Variants in PCDHA6 observed in about 807,000 individuals in gnomAD.
PCDHA6 encodes the protein protocadherin alpha-6.
Under a neutral mutation model 60.3 loss-of-function variants are expected in PCDHA6, and 55 were observed. The observed-to-expected ratio is 0.91, with a 90% confidence interval of 0.73 to 1.14. The LOEUF (loss-of-function observed/expected upper bound fraction) is 1.14. PCDHA6 is among the 50% of genes most tolerant of loss of function. The pLI is 0.00. For synonymous variants in PCDHA6, 652 were observed against 557.9 expected (o/e 1.17, Z -2.38); for missense variants, 1,327 against 1,256.5 (o/e 1.06, Z -0.85).
In PCDHA6 at chr5:141,009,994, C is replaced by T; in HGVS notation, c.*57C>T. 1.3e-6 allele frequency: 2 copies of T among 1,577,076 alleles called. No individual in the cohort carries two copies. Among genetic ancestry groups the T allele is most frequent in the South Asian group, 1.2e-5 (1 of 83,074 alleles). On this transcript the variant is annotated 3_prime_UTR_variant, in exon 4 of 4. Transcript: ENST00000529310. Reference sequence around the variant, plus strand: ...GTTTTTGTAATAATGGCAAATCTCTCCCATGTAGCAATTCCCTGCTCCTTT... The same window carrying T: ...GTTTTTGTAATAATGGCAAATCTCTTCCATGTAGCAATTCCCTGCTCCTTT...
rs1770846453 is a variant in PCDHA6 at position 140,830,141 on chromosome 5, G to A, written c.2050G>A (p.Val684Met). The A allele has an allele frequency of 6.2e-7, 1 of 1,613,282 alleles. No homozygotes were observed. The highest frequency in any genetic ancestry group is 1.3e-5 in the African/African-American group (1 of 74,938). The change falls in exon 1 of 4, where the codon GTG (valine) becomes ATG (methionine). Residue 684 changes from valine (V) to methionine (M), a missense_variant. Coordinates refer to ENST00000529310, the MANE Select transcript of PCDHA6 (RefSeq NM_018909.4). ...QAPKASSRASVGAAGPEAALV... is the reference protein window; with the variant it reads ...QAPKASSRASMGAAGPEAALV... ...TCCAAAGGCGTCATCACGGGCGTCG[G>A]TGGGCGCCGCGGGCCCAGAGGCGGC...
Position 140,829,036 on chromosome 5 carries a change from A to G in PCDHA6, c.945A>G (p.Leu315=), listed in dbSNP as rs1770084971. The change falls in exon 1 of 4, where the codon TTA becomes TTG. Residue 315 remains leucine, a synonymous_variant. Transcript: ENST00000529310. ...ATTTGGATTTTGAACAAGAAAACTT[A>G]TACAAAATCCTCATTGACGCCACGG... ...RGNLDFEQEN[L]YKILIDATDK... is the part of the protein sequence containing the mutation. The G allele has an allele frequency of 2.5e-6, 4 of 1,612,958 alleles. No homozygotes were observed. Among genetic ancestry groups the G allele is most frequent in the Non-Finnish European group, 3.4e-6 (4 of 1,179,030 alleles).
intron 1 of PCDHA6, among the ~76,000 whole-genome samples, chr5:140,918,473 T>A (rs1385942505): frequency 6.6e-6 from 1 of 152,166 alleles, no homozygotes; most frequent in African/African-American, 2.4e-5. Context: ...ATTCCAAGTC[T>A]CAAGGGGAAT....
intron 1 of PCDHA6, among the ~76,000 whole-genome samples, chr5:140,931,320 G>A (rs1350182542): frequency 6.6e-6 from 1 of 151,992 alleles, no homozygotes; most frequent in Non-Finnish European, 1.5e-5. Context: ...TACCAGTAAT[G>A]GCTGTAAAGT....
intron 1 of PCDHA6, among the ~76,000 whole-genome samples, chr5:140,937,632 G>T (rs1228752133): frequency 1.3e-5 from 2 of 150,132 alleles, no homozygotes; most frequent in Admixed American, 1.3e-4. Flanking sequence ...AAAAAGAAAG[G>T]CAGGGCATGG....
chr5:140,929,460 C>A, intron 1 of PCDHA6: 1 of 1,331,154 alleles, frequency 7.5e-7, no homozygotes, highest in Non-Finnish European at 1.0e-6. Context: ...ACTTCCTGTG[C>A]CAAGAAATCT....
intron 1 of PCDHA6, chr5:140,871,015 G>A (rs1554164977): frequency 1.9e-6 from 3 of 1,613,126 alleles, no homozygotes; most frequent in East Asian, 2.2e-5. Flanking sequence ...TGCCCTGGAC[G>A]AGGCAGACTC....
chr5:140,844,775 A>G (rs959672555), intron 1 of PCDHA6, among the ~76,000 whole-genome samples: 1 of 149,266 alleles, frequency 6.7e-6, no homozygotes, highest in Non-Finnish European at 1.5e-5. Flanking sequence ...AAGATACTTT[A>G]TTTTGGTATC....
At chr5:140,852,265 T>C in intron 1 of PCDHA6, 1 of 505,256 alleles carries the variant, frequency 2.0e-6, no homozygotes, top group Non-Finnish European at 2.6e-6. Flanking sequence ...TATGCTACAA[T>C]ATTACATGTT....
At chr5:140,945,304 C>T (rs993719774) in intron 1 of PCDHA6, among the ~76,000 whole-genome samples, 3 of 151,880 alleles carry the variant, frequency 2.0e-5, no homozygotes, top group African/African-American at 7.3e-5. Flanking sequence ...TTGAAGAAGA[C>T]ACAAATAAAT....
At chr5:140,850,256 C>T (rs2150475976) in intron 1 of PCDHA6, 11 of 1,594,032 alleles carry the variant, frequency 6.9e-6, no homozygotes, top group Admixed American at 6.8e-5. Context: ...CGGTGGGCGC[C>T]GGCGTAGTGG....
intron 1 of PCDHA6, chr5:140,969,054 A>G (rs782226153): frequency 6.2e-7 from 1 of 1,614,182 alleles, no homozygotes; most frequent in South Asian, 1.1e-5. Context: ...GCCAACAACA[A>G]TATTGATGCC....
In PCDHA6 at chr5:140,828,611, T is replaced by C; in HGVS notation, c.520T>C (p.Ser174Pro). ...TTCCATCTTAACCTATAAACTCAGT[T>C]CTAGCGAATACTTCGGGCTAGATGT... The part of the protein sequence containing the change: ...SNSILTYKLS[S>P]SEYFGLDVKI... The change falls in exon 1 of 4, where the codon TCT becomes CCT. Residue 174 changes from serine (S) to proline (P), a missense_variant. Coordinates refer to ENST00000529310, the MANE Select transcript of PCDHA6 (RefSeq NM_018909.4). The C allele has an allele frequency of 6.2e-7, 1 of 1,614,202 alleles. No individual in the cohort carries two copies. Among genetic ancestry groups the C allele is most frequent in the Non-Finnish European group, 8.5e-7 (1 of 1,180,042 alleles).
intron 1 of PCDHA6, chr5:140,867,294 T>A (rs987236296): frequency 6.6e-6 from 1 of 152,152 alleles, no homozygotes; most frequent in Admixed American, 6.5e-5. Flanking sequence ...TCAAATATCA[T>A]GTTGAATATA....
chr5:141,001,102 A>T (rs1197761807), intron 3 of PCDHA6, among the ~76,000 whole-genome samples: 1 of 152,076 alleles, frequency 6.6e-6, no homozygotes, highest in African/African-American at 2.4e-5. Context: ...TCTAATCCAT[A>T]ATAAGCAATC....
In PCDHA6 at chr5:140,897,967, T is replaced by G. The variant is rs1277557012; in HGVS notation, c.2394+67482T>G. On this transcript the variant is annotated intron_variant, in intron 1 of 3. Transcript: ENST00000529310. Reference sequence around the variant, plus strand: ...ATGATTAGCATTTTTTCATGTGTCTTTTGGCTGCATAAATGTCTTCTTTTG... The same window carrying G: ...ATGATTAGCATTTTTTCATGTGTCTGTTGGCTGCATAAATGTCTTCTTTTG... Among the ~76,000 whole-genome samples, 3 of 152,364 alleles carry G rather than the reference T, an allele frequency of 2.0e-5. No homozygotes were observed. In the East Asian group the frequency reaches 5.8e-4, roughly 29 times the overall value.
chr5:140,885,293 G>C (rs945786135), intron 1 of PCDHA6, among the ~76,000 whole-genome samples: 8 of 152,122 alleles, frequency 5.3e-5, no homozygotes, highest in Non-Finnish European at 1.5e-5. Context: ...TATAGAGAGA[G>C]ACCTGGTAGG....
Position 140,828,738 on chromosome 5 carries a change from A to C in PCDHA6, c.647A>C (p.Asp216Ala). Residue 216 changes from aspartate (D) to alanine (A), a missense_variant, in exon 1 of 4, where the codon GAT (aspartate) becomes GCT (alanine). Asp to Ala is a moderately radical substitution (Grantham distance 126). Coordinates refer to ENST00000529310, the MANE Select transcript of PCDHA6 (RefSeq NM_018909.4). ...CACAACTTATTCCTGACAGCCACAGATGGGGGCAAACCTGAGCTCACAGGC... is the reference window on the plus strand; with the variant it reads ...CACAACTTATTCCTGACAGCCACAGCTGGGGGCAAACCTGAGCTCACAGGC... ...PAHNLFLTATDGGKPELTGTV... is the reference protein window; with the variant it reads ...PAHNLFLTATAGGKPELTGTV... 1 of 1,614,242 alleles carries C rather than the reference A, an allele frequency of 6.2e-7. No homozygotes were observed. The highest frequency in any genetic ancestry group is 8.5e-7 in the Non-Finnish European group (1 of 1,180,036).
At chr5:140,887,524 G>A (rs2061480235) in intron 1 of PCDHA6, among the ~76,000 whole-genome samples, 2 of 152,090 alleles carry the variant, frequency 1.3e-5, no homozygotes, top group African/African-American at 4.8e-5. Flanking sequence ...TTATATATGA[G>A]TCTTCCTCTC....
Sources: gnomAD v4.1 joint callset for allele counts (sites outside exome capture counted in the v4.1 genomes callset) on GRCh38, gnomAD v4.1.1 for gene constraint, MANE v1.5 for transcripts, NCBI Gene and HGNC (gene_info 2026-07-23, HGNC 2026-07-21) for gene names.